Variants in THSD7A observed in about 807,000 individuals in gnomAD.
The protein encoded by THSD7A is thrombospondin type 1 domain containing 7A, also known as thrombospondin type-1 domain-containing protein 7A.
THSD7A carries 96 observed loss-of-function variants against 231.3 expected under a neutral mutation model. That is an observed-to-expected ratio of 0.41 (90% CI 0.35 to 0.49). The LOEUF is 0.49. Among genes scored for constraint, THSD7A ranks in the 20% least tolerant of loss-of-function variants. THSD7A has a pLI of 0.05. For missense variants in THSD7A, 2,290 were observed against 2,070.2 expected (o/e 1.11, Z -2.06); for synonymous variants, 940 against 743.3 (o/e 1.26, Z -4.30).
intron 1 of THSD7A, among the ~76,000 whole-genome samples, chr7:11,710,148 T>C (rs1780902874): frequency 6.6e-6 from 1 of 150,810 alleles, no homozygotes; most frequent in African/African-American, 2.4e-5. Context: ...TTTCAGTAAG[T>C]ATAGGGTGAA....
chr7:11,830,300 G>T (rs1428836764), intron 1 of THSD7A, among the ~76,000 whole-genome samples: 1 of 152,082 alleles, frequency 6.6e-6, no homozygotes. Flanking sequence ...TTTCAACTAG[G>T]CAACTACTAT....
chr7:11,729,921 GA>G (rs890590207), intron 1 of THSD7A, among the ~76,000 whole-genome samples: 15 of 151,240 alleles, frequency 9.9e-5, no homozygotes, highest in Admixed American at 9.3e-4. Flanking sequence ...TTAAAGTTCA[GA>G]AAAAAAAGTC....
chr7:11,531,539 C>A (rs768525840), intron 6 of THSD7A, among the ~76,000 whole-genome samples: 1 of 152,164 alleles, frequency 6.6e-6, no homozygotes, highest in Non-Finnish European at 1.5e-5. Flanking sequence ...GCATTTTCTA[C>A]CTCTGGGTCT....
chr7:11,614,907 G>A (rs548548133), intron 2 of THSD7A, among the ~76,000 whole-genome samples: 5 of 152,182 alleles, frequency 3.3e-5, no homozygotes, highest in African/African-American at 4.8e-5. Context: ...ATTTTCCTTT[G>A]TAAAAAAGAA....
intron 6 of THSD7A, among the ~76,000 whole-genome samples, chr7:11,514,443 A>G (rs1193630897): frequency 1.3e-5 from 2 of 152,182 alleles, no homozygotes; most frequent in Non-Finnish European, 2.9e-5. Context: ...ATGTTTAGAC[A>G]CACGTATATA....
chr7:11,639,662 C>T lies in THSD7A; in HGVS notation c.191-2701G>A, dbSNP rs753480159. On this transcript the variant is annotated intron_variant, in intron 1 of 27. Transcript: ENST00000423059. ...CAGCCTGGGCAACAGATTGAGACTC[C>T]GTCTCAAAAAAAATAATAATAATAA... 1.7e-3 allele frequency among the ~76,000 whole-genome samples: 256 copies of T among 147,122 alleles called. 3 individuals carry two copies. The highest frequency in any genetic ancestry group is 0.017 in the Middle Eastern group (5 of 292).
At chr7:11,784,369 CAACT>C (rs908159902) in intron 1 of THSD7A, among the ~76,000 whole-genome samples, 8 of 151,244 alleles carry the variant, frequency 5.3e-5, no homozygotes, top group South Asian at 4.2e-4. Context: ...TGAAAATTCC[CAACT>C]AATTTTTTTT....
In THSD7A at chr7:11,831,775, G is replaced by T. The variant is rs750381254; in HGVS notation, c.172C>A (p.Leu58Ile). ...CACTTACCAGTCTTCCACAGATAGA[G>T]GGTGGGCGCCTCCGCCTCGCCCTGC... ...AAQGEAEAPT[L>I]YLWKTGPWGR... Residue 58 changes from leucine (L) to isoleucine (I), a missense_variant, in exon 1 of 28, where the codon CTC becomes ATC. Physicochemically the swap from Leu to Ile is conservative, Grantham distance 5. Coordinates refer to ENST00000423059, the MANE Select transcript of THSD7A (RefSeq NM_015204.3). The surrounding 1 kb of genome is among the most constrained non-coding windows in gnomAD (Gnocchi z 5.0). The T allele has an allele frequency of 6.1e-6, 9 of 1,481,218 alleles. No homozygotes were observed. In the East Asian group the frequency reaches 2.5e-4, roughly 40 times the overall value. 91.8% of individuals were successfully genotyped at this position (1,481,218 alleles called of 1,614,324 possible). A position where few individuals can be genotyped will look rare whatever the true frequency, so the allele number is the denominator to read the frequency against.
chr7:11,378,167 T>C (rs781014092), intron 26 of THSD7A: 1 of 152,200 alleles, frequency 6.6e-6, no homozygotes. Context: ...GGAGATGTGC[T>C]AGCTATGCAG....
intron 1 of THSD7A, among the ~76,000 whole-genome samples, chr7:11,717,222 G>C (rs1180877644): frequency 2.0e-5 from 3 of 151,696 alleles, no homozygotes; most frequent in African/African-American, 7.2e-5. Flanking sequence ...GTCTCAGGCA[G>C]AGGTGGGTGT....
At chr7:11,633,994 T>G (rs889566293) in intron 2 of THSD7A, among the ~76,000 whole-genome samples, 3 of 152,156 alleles carry the variant, frequency 2.0e-5, no homozygotes, top group Non-Finnish European at 4.4e-5. Context: ...GCTTTGGTGA[T>G]GTCATTGATT....
chr7:11,682,185 G>T (rs1478877906), intron 1 of THSD7A, among the ~76,000 whole-genome samples: 1 of 152,004 alleles, frequency 6.6e-6, no homozygotes, highest in African/African-American at 2.4e-5. Flanking sequence ...ATCCTATAAA[G>T]AAATTACATA....
At chr7:11,577,901 G>T (rs1020947572) in intron 4 of THSD7A, among the ~76,000 whole-genome samples, 3 of 152,050 alleles carry the variant, frequency 2.0e-5, no homozygotes, top group African/African-American at 7.2e-5. Context: ...AATCACAAAG[G>T]AAAGGAAGCT....
intron 4 of THSD7A, among the ~76,000 whole-genome samples, chr7:11,585,273 C>A (rs1791351747): frequency 6.6e-6 from 1 of 152,158 alleles, no homozygotes; most frequent in African/African-American, 2.4e-5. Flanking sequence ...TCTCACTTTC[C>A]ATTTTGTAGT....
At chr7:11,799,508 G>A (rs546100136) in intron 1 of THSD7A, among the ~76,000 whole-genome samples, 87 of 152,070 alleles carry the variant, frequency 5.7e-4, no homozygotes, top group African/African-American at 2.1e-3. Context: ...TGTATAACAA[G>A]AATAAAAATG....
intron 1 of THSD7A, among the ~76,000 whole-genome samples, chr7:11,811,085 T>A (rs1443892766): frequency 1.3e-5 from 2 of 152,182 alleles, no homozygotes; most frequent in East Asian, 1.9e-4. Flanking sequence ...ATGTGGCATA[T>A]GATGTTAATG....
intron 2 of THSD7A, among the ~76,000 whole-genome samples, chr7:11,612,920 G>A (rs1780981148): frequency 6.6e-6 from 1 of 152,142 alleles, no homozygotes; most frequent in Admixed American, 6.5e-5. Context: ...GTGGTAAGGA[G>A]GGCAGGACCG....
chr7:11,453,388 G>A (rs924432556), intron 11 of THSD7A, among the ~76,000 whole-genome samples: 1 of 151,152 alleles, frequency 6.6e-6, no homozygotes, highest in African/African-American at 2.4e-5. Flanking sequence ...GACACAGGGT[G>A]AGGACTCCTA....
chr7:11,723,114 G>A (rs1325099911), intron 1 of THSD7A, among the ~76,000 whole-genome samples: 2 of 151,894 alleles, frequency 1.3e-5, no homozygotes, highest in African/African-American at 4.8e-5. Flanking sequence ...TAAGAAATGT[G>A]GCACATATAC....
Sources: gnomAD v4.1 joint callset for allele counts (sites outside exome capture counted in the v4.1 genomes callset) on GRCh38, gnomAD v4.1.1 for gene constraint, Gnocchi (gnomAD v3.1) non-coding constraint, MANE v1.5 for transcripts, NCBI Gene and HGNC (gene_info 2026-07-23, HGNC 2026-07-21) for gene names.